Variants in PRH1 observed in about 807,000 individuals in gnomAD.
PRH1 encodes the protein proline rich protein HaeIII subfamily 1, also known as salivary acidic proline-rich phosphoprotein 1/2.
In PRH1, 7 loss-of-function variants were observed where a neutral mutation model predicts 7.9. The observed-to-expected ratio is 0.89, with a 90% CI of 0.50 to 1.67. The LOEUF is 1.67. PRH1 is among the 40% of genes most tolerant of loss of function. The probability of loss-of-function intolerance (pLI) is 0.00; values close to 1 mark genes in which losing one functional copy is unlikely to be tolerated. For missense variants in PRH1, 109 were observed against 223.6 expected, an observed-to-expected ratio of 0.49 and a Z score of 3.27; for synonymous variants, 45 against 80.8, an observed-to-expected ratio of 0.56 and a Z score of 2.38.
chr12:11,121,307 G>C (rs149725540), intron 1 of PRH1: 1 of 152,088 alleles, frequency 6.6e-6, no homozygotes, highest in Non-Finnish European at 1.5e-5. Flanking sequence ...CAGATAATTT[G>C]TAATATTTGC....
intron 2 of PRH1, among the ~76,000 whole-genome samples, chr12:10,958,420 G>A (rs1201227404): frequency 2.6e-5 from 4 of 152,060 alleles, no homozygotes; most frequent in Admixed American, 6.6e-5. Flanking sequence ...AGAGAAGGAG[G>A]AGAGTGAAGA....
At chr12:10,998,388 C>A (rs539301720) in intron 1 of PRH1, among the ~76,000 whole-genome samples, 1 of 152,146 alleles carries the variant, frequency 6.6e-6, no homozygotes, top group East Asian at 1.9e-4. Context: ...TTTTTAAAGC[C>A]AGATTTAAAT....
intron 1 of PRH1, chr12:11,061,616 C>G (rs374074547): frequency 2.5e-6 from 4 of 1,614,074 alleles, no homozygotes; most frequent in Middle Eastern, 1.6e-4. Flanking sequence ...GTTTGCAAAG[C>G]TTTTATGTGG....
chr12:11,000,998 G>A (rs962020027), intron 1 of PRH1, among the ~76,000 whole-genome samples: 6 of 134,494 alleles, frequency 4.5e-5, no homozygotes, highest in African/African-American at 1.5e-4. Context: ...TGTTCAGTTG[G>A]TTGGCTTTGT....
intron 2 of PRH1, among the ~76,000 whole-genome samples, chr12:10,904,933 C>T (rs1372828186): frequency 6.6e-6 from 1 of 151,666 alleles, no homozygotes; most frequent in Non-Finnish European, 1.5e-5. Flanking sequence ...GGCTCAACAT[C>T]ACTAATCATT....
At chr12:11,031,333 C>G (rs1466056499) in intron 1 of PRH1, 2 of 1,609,580 alleles carry the variant, frequency 1.2e-6, no homozygotes, top group African/African-American at 2.7e-5. Context: ...TAAAAGTTGT[C>G]ATGTCTGAAC....
intron 1 of PRH1, chr12:10,997,804 A>G: frequency 6.2e-7 from 1 of 1,613,328 alleles, no homozygotes; most frequent in Non-Finnish European, 8.5e-7. Context: ...CTATAAAGCC[A>G]TTGGCAAAAT....
intron 1 of PRH1, among the ~76,000 whole-genome samples, chr12:11,017,594 A>G (rs879779073): frequency 3.3e-5 from 5 of 151,962 alleles, no homozygotes; most frequent in African/African-American, 7.3e-5. Context: ...AATCAATTCA[A>G]ATCCTTCAGC....
intron 1 of PRH1, among the ~76,000 whole-genome samples, chr12:11,157,912 T>G (rs1410344158): frequency 6.6e-6 from 1 of 152,216 alleles, no homozygotes; most frequent in African/African-American, 2.4e-5. Flanking sequence ...ATTTCCTGAA[T>G]GGAAGAGTTC....
chr12:11,083,957 A>G (rs1944588368), intron 1 of PRH1, among the ~76,000 whole-genome samples: 1 of 98,964 alleles, frequency 1.0e-5, no homozygotes, highest in African/African-American at 3.2e-5. Context: ...AGTTCCCTTC[A>G]AAGACTCAAC....
In PRH1 at chr12:10,994,163, C is replaced by T. The variant is rs1203168550; in HGVS notation, c.-125-20442G>A. 3.9e-5 allele frequency among the ~76,000 whole-genome samples: 6 copies of T among 152,290 alleles called. No homozygotes were observed. The East Asian group carries it at 9.7e-4, about 25-fold the overall frequency. On this transcript the variant is annotated intron_variant, in intron 1 of 3. Transcript: ENST00000539853. The stretch of plus-strand genomic sequence containing the variant: ...GATTTACTTGACTGTCTCCTATTCC[C>T]CTGGTCAGCACCTTGCCTGACCCAC...
intron 1 of PRH1, among the ~76,000 whole-genome samples, chr12:11,153,229 T>C (rs982512870): frequency 6.6e-6 from 1 of 152,086 alleles, no homozygotes; most frequent in South Asian, 2.1e-4. Flanking sequence ...GAAAGAAAAA[T>C]TATGAACTTA....
intron 1 of PRH1, among the ~76,000 whole-genome samples, chr12:11,036,266 G>T (rs759691289): frequency 5.3e-5 from 8 of 152,200 alleles, no homozygotes; most frequent in African/African-American, 1.2e-4. Flanking sequence ...TAGTAAAACA[G>T]TACTTACGAG....
chr12:10,884,468 T>G (rs1565449134), upstream of PRH1, among the ~76,000 whole-genome samples: 1 of 152,196 alleles, frequency 6.6e-6, no homozygotes, highest in Non-Finnish European at 1.5e-5. Context: ...CAACTATGAC[T>G]TGGACAAATG....
intron 1 of PRH1, among the ~76,000 whole-genome samples, chr12:11,052,916 T>A (rs1943205482): frequency 7.8e-6 from 1 of 128,692 alleles, no homozygotes. Context: ...ATGTTTCTGA[T>A]TTTTTTGATT....
intron 2 of PRH1, among the ~76,000 whole-genome samples, chr12:10,957,485 C>T: frequency 6.6e-6 from 1 of 151,974 alleles, no homozygotes; most frequent in East Asian, 1.9e-4. Context: ...ACCTAGTAAA[C>T]ACCATTCCTG....
chr12:11,126,535 T>C (rs1052426026), intron 1 of PRH1, among the ~76,000 whole-genome samples: 1 of 152,214 alleles, frequency 6.6e-6, no homozygotes, highest in African/African-American at 2.4e-5. Context: ...CCATGGACAT[T>C]TGACAGACTT....
Position 10,983,740 on chromosome 12 carries a change from G to T in PRH1, c.-125-10019C>A, listed in dbSNP as rs767670014. Among the ~76,000 whole-genome samples, 3 of 152,176 alleles carry T rather than the reference G, an allele frequency of 2.0e-5. 1 individual carries two copies. The highest frequency in any genetic ancestry group is 4.4e-5 in the Non-Finnish European group (3 of 68,036). On this transcript the variant is annotated intron_variant, in intron 1 of 3. Transcript: ENST00000539853. The stretch of plus-strand genomic sequence containing the variant: ...GAAAAGTACTGGGAGTCAAGTCCAC[G>T]CATCTGATGACCACCATGCTGTCTC...
chr12:10,953,077 A>T lies in PRH1; in HGVS notation c.-59+20578T>A, dbSNP rs185717212. On this transcript the variant is annotated intron_variant, in intron 2 of 3. Coordinates refer to the PRH1 transcript ENST00000539853. ...ACCAGAAACAAACTCATTTGATGGA[A>T]TCCACAGTGAAACCCCAAAGTGTGT... is the stretch of plus-strand genomic sequence containing the variant. Among the ~76,000 whole-genome samples, 14 of 152,282 alleles carry T rather than the reference A, an allele frequency of 9.2e-5. No homozygotes were observed. The East Asian group carries it at 2.7e-3, about 29-fold the overall frequency.
Sources: allele counts gnomAD v4.1 joint callset (sites outside exome capture counted in the v4.1 genomes callset), GRCh38; gene constraint gnomAD v4.1.1; transcripts MANE v1.5; gene names NCBI Gene and HGNC (gene_info 2026-07-23, HGNC 2026-07-21).